PITPNM3: variants seen among roughly 807,000 people sequenced by gnomAD.
PITPNM3 encodes the protein membrane-associated phosphatidylinositol transfer protein 3.
PITPNM3 carries 26 observed loss-of-function variants against 102.0 expected under a neutral mutation model. The ratio of observed to expected loss-of-function variants is 0.25; its 90% CI spans 0.19 to 0.35. The LOEUF (loss-of-function observed/expected upper bound fraction) is 0.35. Ranked by LOEUF, PITPNM3 falls within the 10% of genes least tolerant of loss-of-function variation. The probability of loss-of-function intolerance (pLI) is 1.00; values close to 1 mark genes in which losing one functional copy is unlikely to be tolerated. For synonymous variants in PITPNM3, 578 were observed against 558.6 expected (o/e 1.03, Z -0.49); for missense variants, 1,083 against 1,346.1 (o/e 0.80, Z 3.06).
At chr17:6,485,223 A>G (rs1906012204) in intron 4 of PITPNM3, among the ~76,000 whole-genome samples, 1 of 149,892 alleles carries the variant, frequency 6.7e-6, no homozygotes, top group Non-Finnish European at 1.5e-5. Flanking sequence ...CAATGGTGCA[A>G]TCTCGGCTCA....
At chr17:6,547,743 C>CT (rs528759983) in intron 1 of PITPNM3, among the ~76,000 whole-genome samples, 11,489 of 145,968 alleles carry the variant, frequency 0.079, 1,064 homozygotes, top group African/African-American at 0.23. Context: ...CTTTTCTTTT[C>CT]TTTTTTTTTT....
chr17:6,477,098 G>T lies in PITPNM3; in HGVS notation c.1016C>A (p.Pro339Gln), dbSNP rs112645411. The change falls in exon 9 of 20, where the codon CCG (proline) becomes CAG (glutamine). Residue 339 changes from proline to glutamine, a missense_variant. Physicochemically the swap from Pro to Gln is moderately conservative, Grantham distance 76 (BLOSUM62 -1). Transcript: ENST00000262483. ...GGTGGAGGAGTCGCTCTGTTTCCGC[G>T]GCAACGGCCTCTTGGGCTCCTCATC... The part of the protein sequence containing the change: ...LEDEEPKRPL[P>Q]RKQSDSSTYD... The T allele has an allele frequency of 6.2e-7, 1 of 1,614,160 alleles. No individual in the cohort carries two copies. Among genetic ancestry groups the T allele is most frequent in the Non-Finnish European group, 8.5e-7 (1 of 1,180,032 alleles).
In PITPNM3 at chr17:6,472,722, A is replaced by G; in HGVS notation, c.1364T>C (p.Val455Ala). 1 of 1,614,046 alleles carries G rather than the reference A, an allele frequency of 6.2e-7. No individual in the cohort carries two copies. The highest frequency in any genetic ancestry group is 8.5e-7 in the Non-Finnish European group (1 of 1,179,984). The change falls in exon 11 of 20, where the codon GTG (valine) becomes GCG (alanine). Residue 455 changes from valine to alanine, a missense_variant. By Grantham distance (64) the Val-to-Ala change is moderately conservative. This residue lies in a region of PITPNM3 where 410 missense variants were observed against 638.4 expected (regional missense o/e 0.64). Coordinates refer to ENST00000262483, the MANE Select transcript of PITPNM3 (RefSeq NM_031220.4). The surrounding 1 kb of genome is among the most constrained non-coding windows in gnomAD (Gnocchi z 4.1). Reference sequence around the variant, plus strand: ...GTAGCGAGGCACGCTGACAGGCGGCACCAGGTGGAACTTGGGCTCCAGCAG... The same window carrying G: ...GTAGCGAGGCACGCTGACAGGCGGCGCCAGGTGGAACTTGGGCTCCAGCAG... ...EPLLEPKFHL[V>A]PPVSVPRYQR...
chr17:6,489,886 C>T (rs938184843), intron 4 of PITPNM3, among the ~76,000 whole-genome samples: 15 of 152,106 alleles, frequency 9.9e-5, no homozygotes, highest in Non-Finnish European at 1.8e-4. Context: ...CACCTGTAAT[C>T]CCAGCTACTC....
chr17:6,522,141 G>A (rs1487556728), intron 3 of PITPNM3, among the ~76,000 whole-genome samples: 1 of 152,252 alleles, frequency 6.6e-6, no homozygotes, highest in Middle Eastern at 3.4e-3. Context: ...AGGCCCAGCA[G>A]GAAACAAGGC....
rs1913898916 is a variant in PITPNM3, at chr17:6,452,692, ACACT to A, written c.*2642_*2645del. 1 of 152,268 alleles carries A rather than the reference ACACT, an allele frequency of 6.6e-6. No homozygotes were observed. Among genetic ancestry groups the A allele is most frequent in the Non-Finnish European group, 1.5e-5 (1 of 68,060 alleles). 9.4% of individuals were successfully genotyped at this position (152,268 alleles called of 1,614,324 possible). Reference sequence around the variant, plus strand: ...CGCCACTAAACAGAACCGCAGGTACACACTCACACACGCCAACTACAGCTCCAGT... The same window carrying A: ...CGCCACTAAACAGAACCGCAGGTACACACACACGCCAACTACAGCTCCAGT... On this transcript the variant is annotated 3_prime_UTR_variant, in exon 20 of 20. Transcript: ENST00000262483.
At chr17:6,507,305 C>T (rs1010672327) in intron 3 of PITPNM3, among the ~76,000 whole-genome samples, 2 of 152,188 alleles carry the variant, frequency 1.3e-5, no homozygotes, top group African/African-American at 4.8e-5. Flanking sequence ...CAAACTTGGC[C>T]GGGCATGGTG....
In PITPNM3 at chr17:6,489,636, T is replaced by A. The variant is rs116829095; in HGVS notation, c.275-5344A>T. 1.4e-3 allele frequency among the ~76,000 whole-genome samples: 216 copies of A among 152,038 alleles called. 1 individual carries two copies. The highest frequency in any genetic ancestry group is 4.8e-3 in the African/African-American group (201 of 41,450). Reference sequence around the variant, plus strand: ...GAGACTCTTGGCAGGGAGGAAAAAGTGAGGAGAGGCTACTATGAGGAGCAG... The same window carrying A: ...GAGACTCTTGGCAGGGAGGAAAAAGAGAGGAGAGGCTACTATGAGGAGCAG... On this transcript the variant is annotated intron_variant, in intron 4 of 19. Coordinates refer to ENST00000262483, the MANE Select transcript of PITPNM3 (RefSeq NM_031220.4).
intron 17 of PITPNM3, 93 bp downstream of exon 17, chr17:6,463,638 TC>T: frequency 6.6e-7 from 1 of 1,504,402 alleles, no homozygotes. Context: ...CCGGTAGAAT[TC>T]CTACAGCAAA....
chr17:6,464,157 C>T lies in PITPNM3; in HGVS notation c.2156+13G>A, dbSNP rs1242226020. On this transcript the variant is annotated intron_variant, in intron 16 of 19. Coordinates refer to ENST00000262483, the MANE Select transcript of PITPNM3 (RefSeq NM_031220.4). ...TGAGAGAAACCACCCTGAGAATGGC[C>T]CCTGGGTCTTACCTGACGACCATCT... The T allele has an allele frequency of 1.9e-6, 3 of 1,614,152 alleles. No individual in the cohort carries two copies. The highest frequency in any genetic ancestry group is 2.5e-6 in the Non-Finnish European group (3 of 1,180,020).
At chr17:6,525,751 T>C (rs1908797514) in intron 2 of PITPNM3, among the ~76,000 whole-genome samples, 1 of 152,238 alleles carries the variant, frequency 6.6e-6, no homozygotes, top group Admixed American at 6.5e-5. Context: ...CTGATGGCAG[T>C]ATCTCTTGAA....
chr17:6,499,504 G>A (rs142994643), intron 4 of PITPNM3, among the ~76,000 whole-genome samples: 5 of 152,248 alleles, frequency 3.3e-5, no homozygotes, highest in South Asian at 2.1e-4. Context: ...CCAGTAGAGC[G>A]CCAGAAAGAC....
intron 4 of PITPNM3, 126 bp from the exon 5 acceptor site, chr17:6,484,418 C>T: frequency 1.0e-6 from 1 of 963,286 alleles, no homozygotes; most frequent in South Asian, 1.3e-5. Flanking sequence ...AAGTTAGAGT[C>T]TGGAGCTAGG....
intron 4 of PITPNM3, among the ~76,000 whole-genome samples, chr17:6,487,182 C>T (rs1043528730): frequency 3.3e-5 from 5 of 152,086 alleles, no homozygotes; most frequent in Admixed American, 2.0e-4. Context: ...GTTAAAGCCA[C>T]GGACCCTGGA....
At chr17:6,510,745 G>A (rs569764368) in intron 3 of PITPNM3, among the ~76,000 whole-genome samples, 4 of 152,352 alleles carry the variant, frequency 2.6e-5, no homozygotes, top group East Asian at 3.9e-4. Context: ...AGAGTGGTCC[G>A]TGCTACAGAC....
chr17:6,549,843 C>T (rs1035395124), intron 1 of PITPNM3, among the ~76,000 whole-genome samples: 4 of 152,200 alleles, frequency 2.6e-5, no homozygotes, highest in Non-Finnish European at 5.9e-5. Context: ...CACCCCCTTC[C>T]GGGCTCCTGG....
chr17:6,502,340 C>A (rs1168183061), intron 4 of PITPNM3, among the ~76,000 whole-genome samples: 3 of 152,168 alleles, frequency 2.0e-5, no homozygotes, highest in Admixed American at 6.5e-5. Context: ...GTAATCCCAG[C>A]CACTCAGGAG....
At chr17:6,482,179 G>A (rs555146546) in intron 6 of PITPNM3, among the ~76,000 whole-genome samples, 1 of 152,004 alleles carries the variant, frequency 6.6e-6, no homozygotes, top group South Asian at 2.1e-4. Context: ...TTCAGAAGGA[G>A]TCCTGCCCCA....
intron 4 of PITPNM3, among the ~76,000 whole-genome samples, chr17:6,498,508 G>C (rs1906976170): frequency 6.6e-6 from 1 of 152,268 alleles, no homozygotes. Flanking sequence ...ACGCTGAAGG[G>C]AGGATCAGAG....
Sources: gnomAD v4.1 joint callset for allele counts (sites outside exome capture counted in the v4.1 genomes callset) on GRCh38, gnomAD v4.1.1 for gene constraint, gnomAD v4.1.1 regional missense constraint, Gnocchi (gnomAD v3.1) non-coding constraint, MANE v1.5 for transcripts, NCBI Gene and HGNC (gene_info 2026-07-23, HGNC 2026-07-21) for gene names.